The following GRID2 variants were observed in gnomAD, a reference collection of about 807,000 sequenced individuals.
GRID2 encodes glutamate receptor ionotropic, delta-2.
A neutral mutation model predicts 114.8 loss-of-function variants in GRID2; 33 were observed. That is an observed-to-expected ratio of 0.29 (90% CI 0.22 to 0.38). The LOEUF is 0.38. Ranked by LOEUF, GRID2 falls within the 10% of genes least tolerant of loss-of-function variation. The pLI, the probability that GRID2 is intolerant of heterozygous loss-of-function variation, is 1.00. For synonymous variants in GRID2, 505 were observed against 449.9 expected (o/e 1.12, Z -1.55); for missense variants, 1,184 against 1,257.7 (o/e 0.94, Z 0.89).
intron 13 of GRID2, among the ~76,000 whole-genome samples, chr4:93,615,598 A>G (rs1259741673): frequency 6.6e-6 from 1 of 151,620 alleles, no homozygotes; most frequent in Admixed American, 6.6e-5. Flanking sequence ...TCCAATAAAT[A>G]TGTACAATTA....
chr4:92,967,571 A>G (rs1055136065), intron 2 of GRID2, among the ~76,000 whole-genome samples: 1 of 151,806 alleles, frequency 6.6e-6, no homozygotes, highest in Non-Finnish European at 1.5e-5. Flanking sequence ...CAAGCTCTTT[A>G]TTGTATTCTG....
chr4:93,591,204 G>A (rs1199584048), intron 13 of GRID2, among the ~76,000 whole-genome samples: 1 of 150,566 alleles, frequency 6.6e-6, no homozygotes, highest in African/African-American at 2.5e-5. Flanking sequence ...GTCATAGATA[G>A]CTCTTATTAT....
At chr4:92,517,909 A>T (rs1724579244) in intron 1 of GRID2, among the ~76,000 whole-genome samples, 1 of 151,898 alleles carries the variant, frequency 6.6e-6, no homozygotes, top group Admixed American at 6.6e-5. Context: ...AAAAACAAAC[A>T]AACAAACAAA....
intron 12 of GRID2, among the ~76,000 whole-genome samples, chr4:93,506,165 C>G (rs1018735431): frequency 1.3e-5 from 2 of 152,182 alleles, no homozygotes; most frequent in Admixed American, 1.3e-4. Context: ...TTCCCAAGGG[C>G]ATCTACTTTA....
At chr4:93,574,771 A>G (rs1004445963) in intron 13 of GRID2, among the ~76,000 whole-genome samples, 8 of 152,232 alleles carry the variant, frequency 5.3e-5, no homozygotes, top group African/African-American at 1.9e-4. Context: ...AACGAATAAA[A>G]GATATTCAAA....
intron 1 of GRID2, among the ~76,000 whole-genome samples, chr4:92,345,652 A>G (rs1433339765): frequency 6.6e-6 from 1 of 152,218 alleles, no homozygotes; most frequent in Admixed American, 6.5e-5. Context: ...TATGGTAAAG[A>G]CAATTTTGAA....
chr4:92,914,920 T>C (rs1310917103), intron 2 of GRID2, among the ~76,000 whole-genome samples: 1 of 152,164 alleles, frequency 6.6e-6, no homozygotes, highest in Non-Finnish European at 1.5e-5. Flanking sequence ...TTTATATTCC[T>C]TTGCATATGT....
chr4:93,769,593 T>A lies in GRID2; in HGVS notation c.2601+143T>A, dbSNP rs551099405. ...AGATTAAAAATAAAGTTGTGAAATA[T>A]AAAAATTGGTAAGATCAATATCAAT... is the stretch of plus-strand genomic sequence containing the variant. On this transcript the variant is annotated intron_variant, in intron 15 of 15. Transcript: ENST00000282020. The A allele has an allele frequency of 7.1e-6, 5 of 705,582 alleles. No homozygotes were observed. In the South Asian group the frequency reaches 9.5e-5, roughly 13 times the overall value. The allele number at this position is 705,582 out of a possible 1,614,324, so 43.7% of individuals were successfully genotyped here.
At chr4:92,397,065 A>G (rs1335175671) in intron 1 of GRID2, among the ~76,000 whole-genome samples, 2 of 151,990 alleles carry the variant, frequency 1.3e-5, no homozygotes, top group Non-Finnish European at 2.9e-5. Flanking sequence ...AAGTATTCTA[A>G]AATGCCAGCA....
intron 14 of GRID2, among the ~76,000 whole-genome samples, chr4:93,717,946 T>A (rs914621559): frequency 2.0e-5 from 3 of 152,058 alleles, no homozygotes; most frequent in African/African-American, 7.2e-5. Context: ...GGAAAGAATA[T>A]GATGTTGTTA....
At chr4:93,797,932 C>G (rs1691693355) in intron 1 of GRID2, among the ~76,000 whole-genome samples, 1 of 151,358 alleles carries the variant, frequency 6.6e-6, no homozygotes, top group African/African-American at 2.4e-5. Flanking sequence ...CCAGGTGGAT[C>G]ACCTGAGGTC....
intron 13 of GRID2, among the ~76,000 whole-genome samples, chr4:93,562,522 A>G (rs1735025949): frequency 6.6e-6 from 1 of 152,076 alleles, no homozygotes; most frequent in African/African-American, 2.4e-5. Context: ...TGTCTTTTAT[A>G]GAGCAGAAGC....
At chr4:92,657,670 A>G (rs1732313979) in intron 2 of GRID2, among the ~76,000 whole-genome samples, 1 of 151,812 alleles carries the variant, frequency 6.6e-6, no homozygotes, top group African/African-American at 2.4e-5. Context: ...TTAAAAAAAC[A>G]CTAATAAATG....
chr4:92,697,856 T>C (rs555408575), intron 2 of GRID2, among the ~76,000 whole-genome samples: 74 of 152,114 alleles, frequency 4.9e-4, no homozygotes, highest in Non-Finnish European at 8.8e-4. Context: ...ATCAATGGAG[T>C]GTATCAGGAA....
chr4:93,417,867 G>A (rs1767878508), intron 9 of GRID2, among the ~76,000 whole-genome samples: 1 of 151,412 alleles, frequency 6.6e-6, no homozygotes, highest in Non-Finnish European at 1.5e-5. Context: ...ATGGGCACTT[G>A]GATTTTTAGA....
intron 2 of GRID2, among the ~76,000 whole-genome samples, chr4:92,661,669 A>G (rs112124306): frequency 4.7e-4 from 71 of 151,230 alleles, no homozygotes; most frequent in African/African-American, 1.6e-3. Flanking sequence ...TTTAAATTTA[A>G]TATCAGCCAT....
intron 2 of GRID2, among the ~76,000 whole-genome samples, chr4:92,774,506 C>T (rs1158641609): frequency 6.6e-6 from 1 of 150,908 alleles, no homozygotes; most frequent in Admixed American, 6.6e-5. Context: ...GAAATTATCC[C>T]ATACATTTAG....
chr4:92,604,945 C>A (rs1315707425), intron 2 of GRID2, among the ~76,000 whole-genome samples: 1 of 151,732 alleles, frequency 6.6e-6, no homozygotes, highest in Non-Finnish European at 1.5e-5. Flanking sequence ...GGGCAGTTTC[C>A]CCCACGCTGT....
At chr4:93,702,069 T>C (rs1387804428) in intron 14 of GRID2, among the ~76,000 whole-genome samples, 1 of 152,120 alleles carries the variant, frequency 6.6e-6, no homozygotes, top group Non-Finnish European at 1.5e-5. Context: ...ATTGGTTTGG[T>C]GATGCTTGAT....
Sources: allele counts gnomAD v4.1 joint callset (sites outside exome capture counted in the v4.1 genomes callset), GRCh38; gene constraint gnomAD v4.1.1; transcripts MANE v1.5; gene names NCBI Gene and HGNC (gene_info 2026-07-23, HGNC 2026-07-21).